CFAP100: variants seen among roughly 807,000 people sequenced by gnomAD.
CFAP100 encodes cilia- and flagella-associated protein 100.
In CFAP100, 70 loss-of-function variants were observed where a neutral mutation model predicts 81.5. The ratio of observed to expected loss-of-function variants is 0.86; its 90% CI spans 0.71 to 1.05. The LOEUF (loss-of-function observed/expected upper bound fraction) is 1.05. CFAP100 is among the 50% of genes least tolerant of loss of function. CFAP100 has a pLI of 0.00. For missense variants in CFAP100, 811 were observed against 776.5 expected (o/e 1.04, Z -0.53); for synonymous variants, 341 against 314.8 (o/e 1.08, Z -0.88).
intron 2 of CFAP100, among the ~76,000 whole-genome samples, chr3:126,400,895 A>G (rs1173356293): frequency 6.6e-6 from 1 of 152,276 alleles, no homozygotes; most frequent in Non-Finnish European, 1.5e-5. Context: ...GCATGTTCAC[A>G]GCAGTGTTAT....
At position 126,407,183 on chromosome 3, in the gene CFAP100, G is replaced by A. The variant is rs781019470; in HGVS notation, c.61G>A (p.Glu21Lys). 1.2e-6 allele frequency: 2 copies of A among 1,610,926 alleles called. No homozygotes were observed. The highest frequency in any genetic ancestry group is 3.3e-5 in the Admixed American group (2 of 59,896). The stretch of plus-strand genomic sequence containing the variant: ...TTGTGTCTCCTCAGAGAACAGCCTG[G>A]AATCCATGAACATCAGCTCTTCTTC... ...KNMTNDKNSL[E>K]SMNISSSSST... Residue 21 changes from glutamate to lysine, a missense_variant, in exon 3 of 17, where the codon GAA (glutamate) becomes AAA (lysine). Transcript: ENST00000352312.
chr3:126,405,524 G>T (rs1386722143), intron 2 of CFAP100, among the ~76,000 whole-genome samples: 1 of 152,118 alleles, frequency 6.6e-6, no homozygotes, highest in Non-Finnish European at 1.5e-5. Context: ...TAAGCTGGGG[G>T]TGGTGGTGCA....
intron 3 of CFAP100, among the ~76,000 whole-genome samples, chr3:126,411,706 G>A (rs552141464): frequency 6.6e-5 from 10 of 152,134 alleles, no homozygotes; most frequent in South Asian, 2.1e-4. Flanking sequence ...ATACATGTTC[G>A]TAGTAGTCTT....
At chr3:126,414,318 T>TA in intron 4 of CFAP100, 139 bp downstream of exon 4, 1 of 761,888 alleles carries the variant, frequency 1.3e-6, no homozygotes, top group Admixed American at 1.8e-5. Context: ...GCTCACCACT[T>TA]ACTATAAAAT....
intron 13 of CFAP100, chr3:126,432,738 G>A: frequency 5.0e-6 from 1 of 199,818 alleles, no homozygotes; most frequent in Non-Finnish European, 1.0e-5. Flanking sequence ...TCTAAAATTA[G>A]ATTATGGTCA....
intron 5 of CFAP100, 63 bp from the exon 6 acceptor site, chr3:126,418,395 C>T: frequency 6.6e-7 from 1 of 1,510,478 alleles, no homozygotes; most frequent in East Asian, 2.3e-5. Context: ...CCTCTGCAGA[C>T]CTGCCAGGCC....
intron 4 of CFAP100, among the ~76,000 whole-genome samples, chr3:126,414,697 C>G (rs2083206883): frequency 6.6e-6 from 1 of 152,250 alleles, no homozygotes; most frequent in Admixed American, 6.5e-5. Context: ...ACCGACCCCA[C>G]TCTTGCCCCA....
At chr3:126,405,045 G>A (rs914594070) in intron 2 of CFAP100, among the ~76,000 whole-genome samples, 1 of 152,112 alleles carries the variant, frequency 6.6e-6, no homozygotes, top group African/African-American at 2.4e-5. Flanking sequence ...ATATTTAAAT[G>A]TATGGTTCGG....
chr3:126,419,084 A>G lies in CFAP100; in HGVS notation c.659A>G (p.Lys220Arg). 1 of 1,572,682 alleles carries G rather than the reference A, an allele frequency of 6.4e-7. No individual in the cohort carries two copies. The highest frequency in any genetic ancestry group is 8.6e-7 in the Non-Finnish European group (1 of 1,157,950). ...CGCCGCCCAACCCCTAGGGCTGAGAAGGAGACCAAAGCCAAGATAGAGAAG... is the reference window on the plus strand; with the variant it reads ...CGCCGCCCAACCCCTAGGGCTGAGAGGGAGACCAAAGCCAAGATAGAGAAG... Reference protein sequence around the residue: ...SSVQAMRAAEKETKAKIEKIL... With the variant: ...SSVQAMRAAERETKAKIEKIL... The change falls in exon 8 of 17, where the codon AAG becomes AGG. Residue 220 changes from lysine (K) to arginine (R), a missense_variant. Lys to Arg is a conservative substitution (Grantham distance 26, BLOSUM62 2). Coordinates refer to ENST00000352312, the MANE Select transcript of CFAP100 (RefSeq NM_182628.3).
At position 126,435,560 on chromosome 3, in the gene CFAP100, C is replaced by G. The variant is rs1205499814; in HGVS notation, c.1630C>G (p.Leu544Val). 6.2e-7 allele frequency: 1 copy of G among 1,610,648 alleles called. No individual in the cohort carries two copies. Among genetic ancestry groups the G allele is most frequent in the East Asian group, 2.2e-5 (1 of 44,734 alleles). ...RAKEKERRIR[L>V]REEKLQMQKI... Reference sequence around the variant, plus strand: ...TCAATGTCATTTCTTGCCACCCAGACTTCGAGAAGAGAAGCTCCAGATGCA... The same window carrying G: ...TCAATGTCATTTCTTGCCACCCAGAGTTCGAGAAGAGAAGCTCCAGATGCA... Residue 544 changes from leucine (L) to valine (V), a missense_variant and splice_region_variant, in exon 16 of 17, where the codon CTT becomes GTT. Transcript: ENST00000352312.
At chr3:126,398,287 C>T (rs1349538334) in intron 2 of CFAP100, among the ~76,000 whole-genome samples, 2 of 152,304 alleles carry the variant, frequency 1.3e-5, no homozygotes, top group African/African-American at 4.8e-5. Flanking sequence ...TGGGGTCGCG[C>T]GTGGACTTGT....
At chr3:126,434,750 G>T (rs1479534890) in intron 15 of CFAP100, among the ~76,000 whole-genome samples, 1 of 152,162 alleles carries the variant, frequency 6.6e-6, no homozygotes, top group African/African-American at 2.4e-5. Flanking sequence ...GGTAGGGTGT[G>T]GTTAGATTCT....
At chr3:126,423,472 G>A in intron 12 of CFAP100, 21 bp from the exon 13 acceptor site, 1 of 1,613,658 alleles carries the variant, frequency 6.2e-7, no homozygotes, top group Non-Finnish European at 8.5e-7. Flanking sequence ...TCCAGTCCCT[G>A]CCAAAACCTG....
At chr3:126,419,900 T>C (rs769461669) in intron 9 of CFAP100, 80 bp from the exon 10 acceptor site, 86 of 1,610,922 alleles carry the variant, frequency 5.3e-5, no homozygotes, top group Non-Finnish European at 7.2e-5. Flanking sequence ...GCAGGTTACC[T>C]GCAGGCATCT....
chr3:126,430,877 T>C (rs1933193239), intron 13 of CFAP100, among the ~76,000 whole-genome samples: 1 of 152,136 alleles, frequency 6.6e-6, no homozygotes, highest in African/African-American at 2.4e-5. Context: ...AAGACAATTA[T>C]TTTGAATTCT....
chr3:126,435,705 T>C (rs1204902287), intron 16 of CFAP100, 53 bp downstream of exon 16: 21 of 1,449,662 alleles, frequency 1.4e-5, no homozygotes, highest in Middle Eastern at 3.7e-4. Context: ...CAAGACAGCA[T>C]GGCAGCTGAG....
chr3:126,429,131 A>G (rs1296798338), intron 13 of CFAP100, among the ~76,000 whole-genome samples: 9 of 141,250 alleles, frequency 6.4e-5, no homozygotes, highest in Non-Finnish European at 9.3e-5. Context: ...AAAAAAAAAA[A>G]AAAGAAAGGA....
Position 126,436,396 on chromosome 3 carries a change from TTTAC to T in CFAP100, c.1832_1835del (p.Thr611AsnfsTer6), listed in dbSNP as rs1447305946. On this transcript the variant is annotated frameshift_variant, in exon 17 of 17. Coordinates refer to ENST00000352312, the MANE Select transcript of CFAP100 (RefSeq NM_182628.3). LOFTEE classifies it high-confidence loss of function. ...GGAGGAGGAGGAGCTGCTATTTTTC[TTTAC>T]TTAATCTTCGCAGACCATAGCTGTT... The T allele has an allele frequency of 3.1e-6, 5 of 1,612,938 alleles. No homozygotes were observed. The highest frequency in any genetic ancestry group is 4.2e-6 in the Non-Finnish European group (5 of 1,179,126).
Position 126,418,674 on chromosome 3 carries a change from G to T in CFAP100, c.550G>T (p.Ala184Ser), listed in dbSNP as rs756023049. The T allele has an allele frequency of 5.7e-6, 9 of 1,583,646 alleles. No homozygotes were observed. Among genetic ancestry groups the T allele is most frequent in the Non-Finnish European group, 7.7e-6 (9 of 1,166,470 alleles). ...RLETLATKEEARLERAEKSLE... is the reference protein window; with the variant it reads ...RLETLATKEESRLERAEKSLE... ...GGAGACGCTGGCGACCAAAGAGGAG[G>T]CCAGGCTGGAGCGGGCCGAGAAATC... Residue 184 changes from alanine to serine, a missense_variant, in exon 7 of 17, where the codon GCC becomes TCC. Coordinates refer to ENST00000352312, the MANE Select transcript of CFAP100 (RefSeq NM_182628.3).
Sources: allele counts gnomAD v4.1 joint callset (sites outside exome capture counted in the v4.1 genomes callset), GRCh38; gene constraint gnomAD v4.1.1; transcripts MANE v1.5; gene names NCBI Gene and HGNC (gene_info 2026-07-23, HGNC 2026-07-21).